The following EXOC4 variants were observed in gnomAD, a reference collection of about 807,000 sequenced individuals.
The protein encoded by EXOC4 is SEC8-like 1.
EXOC4 carries 71 observed loss-of-function variants against 107.2 expected under a neutral mutation model. That is an observed-to-expected ratio of 0.66 (90% CI 0.55 to 0.81). The LOEUF (loss-of-function observed/expected upper bound fraction) is 0.81, where lower values mean the gene tolerates loss of function less well. Ranked by LOEUF, EXOC4 falls within the 30% of genes least tolerant of loss-of-function variation. The pLI, the probability that EXOC4 is intolerant of heterozygous loss-of-function variation, is 0.00. For missense variants in EXOC4, 1,108 were observed against 1,189.6 expected, an observed-to-expected ratio of 0.93 and a Z score of 1.01; for synonymous variants, 456 against 441.2, an observed-to-expected ratio of 1.03 and a Z score of -0.42.
chr7:133,823,475 C>A (rs1156904869), intron 11 of EXOC4, among the ~76,000 whole-genome samples: 4 of 152,022 alleles, frequency 2.6e-5, no homozygotes, highest in Non-Finnish European at 5.9e-5. Context: ...CTTGATCTTT[C>A]TACTCCATCG....
At chr7:133,943,648 C>G (rs1177257765) in intron 14 of EXOC4, among the ~76,000 whole-genome samples, 1 of 152,090 alleles carries the variant, frequency 6.6e-6, no homozygotes, top group African/African-American at 2.4e-5. Flanking sequence ...TCTCCCGGCA[C>G]CATCAGGCTC....
At chr7:134,022,096 T>C (rs1795043309) in intron 17 of EXOC4, among the ~76,000 whole-genome samples, 1 of 152,120 alleles carries the variant, frequency 6.6e-6, no homozygotes, top group Admixed American at 6.5e-5. Flanking sequence ...AGGTTTCAAA[T>C]GTTTGTGAAA....
chr7:133,895,715 C>T lies in EXOC4; in HGVS notation c.1851C>T (p.Asp617=). The part of the protein sequence containing the change: ...MVCVKLQEYK[D]TCTAAYRGIV... ...GCGTGAAGCTCCAGGAGTACAAGGACACCTGCACTGCAGCTTACAGGTAGA... is the reference window on the plus strand; with the variant it reads ...GCGTGAAGCTCCAGGAGTACAAGGATACCTGCACTGCAGCTTACAGGTAGA... The change falls in exon 12 of 18, where the codon GAC becomes GAT. Residue 617 remains aspartate (D), a synonymous_variant. Transcript: ENST00000253861. 2 of 1,614,088 alleles carry T rather than the reference C, an allele frequency of 1.2e-6. No individual in the cohort carries two copies. The highest frequency in any genetic ancestry group is 1.1e-5 in the South Asian group (1 of 91,080).
At chr7:133,397,375 C>T (rs1383019047) in intron 7 of EXOC4, among the ~76,000 whole-genome samples, 1 of 151,406 alleles carries the variant, frequency 6.6e-6, no homozygotes, top group Non-Finnish European at 1.5e-5. Context: ...CTCAGGTGGT[C>T]TGCCTGCGTC....
intron 8 of EXOC4, among the ~76,000 whole-genome samples, chr7:133,477,267 C>T (rs1302576335): frequency 3.3e-5 from 5 of 152,168 alleles, no homozygotes; most frequent in African/African-American, 4.8e-5. Context: ...CAGTGTCATA[C>T]AGAACAGTTT....
intron 7 of EXOC4, among the ~76,000 whole-genome samples, chr7:133,386,536 A>G (rs1403699877): frequency 1.3e-5 from 2 of 152,140 alleles, no homozygotes; most frequent in Non-Finnish European, 1.5e-5. Context: ...GAAGGGAGCA[A>G]TCCTTCACCA....
At chr7:133,718,826 A>G (rs1248095728) in intron 10 of EXOC4, among the ~76,000 whole-genome samples, 6 of 152,204 alleles carry the variant, frequency 3.9e-5, no homozygotes, top group East Asian at 3.9e-4. Flanking sequence ...TTTTATGGGC[A>G]TAGCCATGCT....
chr7:133,603,037 A>G lies in EXOC4; in HGVS notation c.1418-27008A>G, dbSNP rs145142509. Among the ~76,000 whole-genome samples the G allele has an allele frequency of 6.8e-3, 1,037 of 152,320 alleles. 9 individuals carry two copies. The highest frequency in any genetic ancestry group is 0.023 in the African/African-American group (943 of 41,566). On this transcript the variant is annotated intron_variant, in intron 9 of 17. Coordinates refer to ENST00000253861, the MANE Select transcript of EXOC4 (RefSeq NM_021807.4). ...AATGATATGCTCTTTTCCACATTGA[A>G]AAAATATGCAGGATTTTAGAAATCA...
At chr7:134,028,846 ATCT>A (rs1459270379) in intron 17 of EXOC4, among the ~76,000 whole-genome samples, 2 of 152,334 alleles carry the variant, frequency 1.3e-5, no homozygotes, top group African/African-American at 4.8e-5. Context: ...CTTACACGTA[ATCT>A]TCTTTTTCTC....
intron 11 of EXOC4, among the ~76,000 whole-genome samples, chr7:133,853,335 C>G (rs1798275602): frequency 6.9e-6 from 1 of 144,898 alleles, no homozygotes; most frequent in African/African-American, 2.6e-5. Flanking sequence ...CTCTCTCTCT[C>G]TCTCTCTTTA....
chr7:133,604,329 A>G lies in EXOC4; in HGVS notation c.1418-25716A>G, dbSNP rs1010757068. 5.6e-4 allele frequency among the ~76,000 whole-genome samples: 86 copies of G among 152,358 alleles called. 1 individual carries two copies. Among genetic ancestry groups the G allele is most frequent in the Non-Finnish European group, 5.9e-5 (4 of 68,038 alleles). On this transcript the variant is annotated intron_variant, in intron 9 of 17. Transcript: ENST00000253861. ...ATAAACCATATCATAGTCATTTATT[A>G]TCATTAGTAAGTAATGTATAATGTT...
intron 17 of EXOC4, among the ~76,000 whole-genome samples, chr7:134,043,102 C>T (rs1362124848): frequency 2.0e-5 from 3 of 151,946 alleles, no homozygotes; most frequent in East Asian, 3.9e-4. Context: ...CTCATGGGTT[C>T]GGATGGTTTT....
chr7:134,064,230 C>A lies in EXOC4; in HGVS notation c.2688-61C>A, dbSNP rs1238324168. 3 of 1,149,474 alleles carry A rather than the reference C, an allele frequency of 2.6e-6. No homozygotes were observed. In the African/African-American group the frequency reaches 4.7e-5, roughly 18 times the overall value. 71.2% of individuals were successfully genotyped at this position (1,149,474 alleles called of 1,614,324 possible). A position where few individuals can be genotyped will look rare whatever the true frequency, so the allele number is the denominator to read the frequency against. On this transcript the variant is annotated intron_variant, in intron 17 of 17. Transcript: ENST00000253861. The stretch of plus-strand genomic sequence containing the variant: ...ATCAATGTATAGACAGCGTATTTGT[C>A]CCCTCGAGACGACGTTACCAGTGGG...
intron 10 of EXOC4, among the ~76,000 whole-genome samples, chr7:133,674,758 G>C (rs1312726126): frequency 6.6e-6 from 1 of 152,104 alleles, no homozygotes; most frequent in Non-Finnish European, 1.5e-5. Context: ...ACCATAAAAT[G>C]TACTATAATA....
chr7:133,429,704 G>A (rs978416504), intron 7 of EXOC4, among the ~76,000 whole-genome samples: 3 of 152,234 alleles, frequency 2.0e-5, no homozygotes, highest in Non-Finnish European at 2.9e-5. Context: ...GAATCATACA[G>A]TATGTGGCCT....
chr7:133,877,350 G>A lies in EXOC4; in HGVS notation c.1735-18249G>A, dbSNP rs139768195. Among the ~76,000 whole-genome samples the A allele has an allele frequency of 2.8e-3, 420 of 152,104 alleles. 5 individuals are homozygous for A. The highest frequency in any genetic ancestry group is 9.5e-3 in the African/African-American group (396 of 41,492). Reference sequence around the variant, plus strand: ...TGTTTTTATTGGATGCTAGACATGCGAGGTTTTTTTTACATTGTTAAGTGC... The same window carrying A: ...TGTTTTTATTGGATGCTAGACATGCAAGGTTTTTTTTACATTGTTAAGTGC... On this transcript the variant is annotated intron_variant, in intron 11 of 17. Coordinates refer to ENST00000253861, the MANE Select transcript of EXOC4 (RefSeq NM_021807.4).
At chr7:133,391,242 A>G (rs935755670) in intron 7 of EXOC4, among the ~76,000 whole-genome samples, 1 of 152,232 alleles carries the variant, frequency 6.6e-6, no homozygotes, top group African/African-American at 2.4e-5. Flanking sequence ...ATATGATTTC[A>G]CAGGAAGATG....
chr7:133,755,255 A>ATATATATAT (rs552633693), intron 10 of EXOC4, among the ~76,000 whole-genome samples: 39 of 100,430 alleles, frequency 3.9e-4, no homozygotes, highest in East Asian at 1.2e-3. Context: ...TATATATATT[A>ATATATATAT]TATATATATT....
intron 13 of EXOC4, among the ~76,000 whole-genome samples, chr7:133,919,707 T>C (rs760284536): frequency 7.2e-5 from 11 of 152,194 alleles, no homozygotes; most frequent in Non-Finnish European, 1.5e-4. Flanking sequence ...TTTTTTTATT[T>C]TGTGGTATTA....
Sources: allele counts gnomAD v4.1 joint callset (sites outside exome capture counted in the v4.1 genomes callset), GRCh38; gene constraint gnomAD v4.1.1; transcripts MANE v1.5; gene names NCBI Gene and HGNC (gene_info 2026-07-23, HGNC 2026-07-21).